The following DST variants were observed in gnomAD, a reference collection of about 807,000 sequenced individuals.
DST encodes bullous pemphigoid antigen.
Under a neutral mutation model 875.2 loss-of-function variants are expected in DST, and 253 were observed. The observed-to-expected ratio is 0.29, with a 90% confidence interval of 0.26 to 0.32. The LOEUF (loss-of-function observed/expected upper bound fraction) is 0.32, where lower values mean the gene tolerates loss of function less well. Among genes scored for constraint, DST ranks in the 10% least tolerant of loss-of-function variants. The pLI is 1.00. For synonymous variants in DST, 3,124 were observed against 3,197.1 expected, an observed-to-expected ratio of 0.98 and a Z score of 0.77; for missense variants, 8,287 against 9,111.6, an observed-to-expected ratio of 0.91 and a Z score of 3.68.
At chr6:56,804,255 G>T (rs1451488170) in intron 4 of DST, among the ~76,000 whole-genome samples, 2 of 152,050 alleles carry the variant, frequency 1.3e-5, no homozygotes, top group Admixed American at 1.3e-4. Context: ...CAATGAGAAG[G>T]ATTTACACAA....
intron 3 of DST, among the ~76,000 whole-genome samples, chr6:56,867,977 T>A (rs1024495912): frequency 6.6e-6 from 1 of 152,238 alleles, no homozygotes; most frequent in Non-Finnish European, 1.5e-5. Context: ...TGATTACCCG[T>A]GTTCTAGAAA....
intron 4 of DST, among the ~76,000 whole-genome samples, chr6:56,772,817 C>T (rs183008761): frequency 1.3e-5 from 2 of 152,302 alleles, no homozygotes; most frequent in African/African-American, 2.4e-5. Flanking sequence ...CTGTTATGCA[C>T]ATCCTTACAC....
At chr6:56,596,842 T>C (rs2098394148) in intron 47 of DST, among the ~76,000 whole-genome samples, 1 of 152,228 alleles carries the variant, frequency 6.6e-6, no homozygotes, top group Non-Finnish European at 1.5e-5. Context: ...AGCATTAATG[T>C]TAGCTTTAAT....
At chr6:56,843,722 AGGGTGGAGAGT>A in intron 4 of DST, 1 of 53,150 alleles carries the variant, frequency 1.9e-5, no homozygotes, top group Non-Finnish European at 3.2e-5. Context: ...TGGAGGGTGG[AGGGTGGAGAGT>A]GGAGGGTGGA....
chr6:56,522,731 A>C (rs1227544168), intron 69 of DST, among the ~76,000 whole-genome samples: 1 of 150,628 alleles, frequency 6.6e-6, no homozygotes, highest in Admixed American at 6.6e-5. Flanking sequence ...TATGGGGCCC[A>C]CTTACATAAG....
At chr6:56,708,890 CT>C (rs1475714920) in intron 5 of DST, among the ~76,000 whole-genome samples, 2 of 152,154 alleles carry the variant, frequency 1.3e-5, no homozygotes, top group Non-Finnish European at 2.9e-5. Context: ...GGCCTGGTAA[CT>C]TTCCTTCACA....
chr6:56,893,562 C>CTTTTTTTT (rs1282483681), intron 3 of DST, among the ~76,000 whole-genome samples: 70 of 35,894 alleles, frequency 2.0e-3, no homozygotes, highest in Non-Finnish European at 2.4e-3. Flanking sequence ...ACTTTTAGTT[C>CTTTTTTTT]TTTTTTTTTT....
intron 5 of DST, among the ~76,000 whole-genome samples, chr6:56,713,359 G>A (rs1051663253): frequency 6.6e-6 from 1 of 152,130 alleles, no homozygotes; most frequent in East Asian, 1.9e-4. Context: ...TGGGGCTTTT[G>A]TCAAATGAGC....
chr6:56,484,604 T>C (rs1023930932), intron 88 of DST: 2 of 152,170 alleles, frequency 1.3e-5, no homozygotes, highest in African/African-American at 4.8e-5. Flanking sequence ...AATACAACTA[T>C]TCTACATTAG....
intron 3 of DST, among the ~76,000 whole-genome samples, chr6:56,867,826 C>T (rs901227880): frequency 6.6e-6 from 1 of 150,402 alleles, no homozygotes; most frequent in Non-Finnish European, 1.5e-5. Context: ...AGCGAGACTC[C>T]GTCTCAAAAA....
chr6:56,619,204 T>A, intron 36 of DST: 11 of 1,614,078 alleles, frequency 6.8e-6, no homozygotes, highest in Non-Finnish European at 9.3e-6. Flanking sequence ...GTGCTTCACA[T>A]CTTTGCTGGA....
At position 56,843,451 on chromosome 6, in the gene DST, G is replaced by A; in HGVS notation, c.625+7946C>T. ...GCGAGCCCAGGGGCGGCGACGAGCA[G>A]CGCCACGCCAAGCGGAGGAGCGGGG... On this transcript the variant is annotated intron_variant, in intron 4 of 103. Coordinates refer to ENST00000680361, the MANE Select transcript of DST (RefSeq NM_001374736.1). 3.0e-6 allele frequency: 3 copies of A among 1,015,836 alleles called. 1 individual carries two copies. The highest frequency in any genetic ancestry group is 9.2e-5 in the South Asian group (2 of 21,736). The allele number at this position is 1,015,836 out of a possible 1,614,324, so 62.9% of individuals were successfully genotyped here.
chr6:56,615,190 A>C lies in DST; in HGVS notation c.4930-706T>G. 4 of 1,150,270 alleles carry C rather than the reference A, an allele frequency of 3.5e-6. No individual in the cohort carries two copies. The South Asian group carries it at 8.8e-5, about 25-fold the overall frequency. The allele number at this position is 1,150,270 out of a possible 1,614,324, so 71.3% of individuals were successfully genotyped here. On this transcript the variant is annotated intron_variant, in intron 36 of 103. Transcript: ENST00000680361. ...TTAATAAATGATCACTATTCAATGA[A>C]GGGGAGTTCTGAAGAAATGACACTG...
At chr6:56,558,583 T>C (rs1205207233) in intron 58 of DST, among the ~76,000 whole-genome samples, 1 of 152,116 alleles carries the variant, frequency 6.6e-6, no homozygotes, top group Non-Finnish European at 1.5e-5. Flanking sequence ...CTGCTATTAA[T>C]GTTTCTCAGC....
intron 3 of DST, 148 bp downstream of exon 3, chr6:56,900,273 G>T: frequency 1.7e-6 from 1 of 592,742 alleles, no homozygotes. Context: ...ATTCCTTGCT[G>T]AAACTCATAT....
At chr6:56,617,909 T>C in intron 36 of DST, 1 of 1,280,576 alleles carries the variant, frequency 7.8e-7, no homozygotes, top group Non-Finnish European at 1.1e-6. Context: ...TTTAAAAATT[T>C]AGTCTAGGAG....
chr6:56,784,235 G>C lies in DST; in HGVS notation c.626-48946C>G, dbSNP rs534942143. ...TACTCCTCTCAAGGAGTATCTTTGT[G>C]GCGTTCTCTGTATTTCCTGAATCTG... On this transcript the variant is annotated intron_variant, in intron 4 of 103. Transcript: ENST00000680361. 7.9e-5 allele frequency among the ~76,000 whole-genome samples: 12 copies of C among 152,224 alleles called. No individual in the cohort carries two copies. The South Asian group carries it at 2.5e-3, about 32-fold the overall frequency.
Position 56,555,679 on chromosome 6 carries a change from T to C in DST, c.14802A>G (p.Gln4934=), listed in dbSNP as rs1378379411. Residue 4934 remains glutamine (Q), a synonymous_variant, in exon 60 of 104, where the codon CAA becomes CAG. Coordinates refer to ENST00000680361, the MANE Select transcript of DST (RefSeq NM_001374736.1). ...VTQKWDSLTG[Q]LSDRCDWIDQ... ...CAATCCAGTCACATCTGTCACTCAA[T>C]TGCCCTGTTAGGCTATCCCATTTTT... 6.2e-7 allele frequency: 1 copy of C among 1,613,958 alleles called. No homozygotes were observed. Among genetic ancestry groups the C allele is most frequent in the Non-Finnish European group, 8.5e-7 (1 of 1,179,850 alleles).
chr6:56,866,426 C>T (rs1477457834), intron 3 of DST, among the ~76,000 whole-genome samples: 2 of 152,186 alleles, frequency 1.3e-5, no homozygotes, highest in East Asian at 3.8e-4. Flanking sequence ...AAGCTAGATC[C>T]AGTCTTCAAA....
Sources: gnomAD v4.1 joint callset for allele counts (sites outside exome capture counted in the v4.1 genomes callset) on GRCh38, gnomAD v4.1.1 for gene constraint, MANE v1.5 for transcripts, NCBI Gene and HGNC (gene_info 2026-07-23, HGNC 2026-07-21) for gene names.